Variants in EEF2KMT observed in about 807,000 individuals in gnomAD.
The protein encoded by EEF2KMT is protein-lysine N-methyltransferase EEF2KMT.
Under a neutral mutation model 35.1 loss-of-function variants are expected in EEF2KMT, and 30 were observed. That is an observed-to-expected ratio of 0.85 (90% CI 0.64 to 1.16). EEF2KMT has a LOEUF of 1.16. Among genes scored for constraint, EEF2KMT ranks in the 50% most tolerant of loss-of-function variants. The pLI is 0.00. For missense variants in EEF2KMT, 499 were observed against 438.2 expected, an observed-to-expected ratio of 1.14 and a Z score of -1.24; for synonymous variants, 190 against 187.7, an observed-to-expected ratio of 1.01 and a Z score of -0.10.
rs762899412 is a variant in EEF2KMT, at chr16:5,089,260, T to C, written c.743-4A>G. 14 of 1,602,860 alleles carry C rather than the reference T, an allele frequency of 8.7e-6. No individual in the cohort carries two copies. Among genetic ancestry groups the C allele is most frequent in the South Asian group, 7.7e-5 (7 of 90,994 alleles). Reference sequence around the variant, plus strand: ...GCTTCTGGGCAATACAGCACATCTATGGTGAAAGCTTCAGGTTACTGAAAG... The same window carrying C: ...GCTTCTGGGCAATACAGCACATCTACGGTGAAAGCTTCAGGTTACTGAAAG... On this transcript the variant is annotated splice_region_variant and splice_polypyrimidine_tract_variant and intron_variant, in intron 6 of 7. Transcript: ENST00000427587.
At chr16:5,095,310 C>T (rs1160246716) in intron 2 of EEF2KMT, 142 bp downstream of exon 2, 1 of 1,288,784 alleles carries the variant, frequency 7.8e-7, no homozygotes, top group Non-Finnish European at 1.1e-6. Flanking sequence ...CTGACACCCA[C>T]CTGCAGTGCT....
At chr16:5,087,917 G>A (rs1014701524) in intron 7 of EEF2KMT, among the ~76,000 whole-genome samples, 2 of 126,020 alleles carry the variant, frequency 1.6e-5, no homozygotes, top group Non-Finnish European at 3.2e-5. Flanking sequence ...TCTGAAGAAA[G>A]ACTTCCTTTT....
At chr16:5,089,296 A>G (rs1225885473) in intron 6 of EEF2KMT, 40 bp from the exon 7 acceptor site, 7 of 1,598,452 alleles carry the variant, frequency 4.4e-6, no homozygotes, top group Non-Finnish European at 5.9e-6. Flanking sequence ...GGACCAGTGG[A>G]CAGGTCCAGG....
In EEF2KMT at chr16:5,085,032, C is replaced by T. The variant is rs1174714635; in HGVS notation, c.*600G>A. 6 of 1,425,204 alleles carry T rather than the reference C, an allele frequency of 4.2e-6. No individual in the cohort carries two copies. In the African/African-American group the frequency reaches 4.2e-5, roughly 10 times the overall value. The allele number at this position is 1,425,204 out of a possible 1,614,324, so 88.3% of individuals were successfully genotyped here. ...GTACTGCCTGGTAAAAGAATTGGTT[C>T]TGTGACCCGGGAAGCTTTGGTTGGC... On this transcript the variant is annotated 3_prime_UTR_variant, in exon 8 of 8. Transcript: ENST00000427587.
intron 2 of EEF2KMT, among the ~76,000 whole-genome samples, chr16:5,094,312 G>C (rs1431112461): frequency 2.0e-5 from 3 of 152,214 alleles, no homozygotes; most frequent in African/African-American, 4.8e-5. Flanking sequence ...GCCCAGGCTG[G>C]AGTGCAGTGG....
rs200185581 is a variant in EEF2KMT at position 5,089,099 on chromosome 16, A to T, written c.892+8T>A. On this transcript the variant is annotated splice_region_variant and intron_variant, in intron 7 of 7. Coordinates refer to ENST00000427587, the MANE Select transcript of EEF2KMT (RefSeq NM_201400.4). ...ACCATGCAGGCCCGGGTGGGCGTGG[A>T]GGCTCACCTAGCTCGGTGGTGAACA... The T allele has an allele frequency of 6.2e-7, 1 of 1,611,912 alleles. No individual in the cohort carries two copies.
chr16:5,086,088 C>T (rs1016529262), intron 7 of EEF2KMT, among the ~76,000 whole-genome samples: 8 of 152,188 alleles, frequency 5.3e-5, no homozygotes, highest in Admixed American at 1.3e-4. Flanking sequence ...GTAATCCCAA[C>T]ACTTTGGGAG....
chr16:5,085,315 T>A lies in EEF2KMT; in HGVS notation c.*317A>T. The A allele has an allele frequency of 2.0e-6, 1 of 490,970 alleles. No homozygotes were observed. The highest frequency in any genetic ancestry group is 2.1e-5 in the South Asian group (1 of 46,940). The allele number at this position is 490,970 out of a possible 1,614,324, so 30.4% of individuals were successfully genotyped here. On this transcript the variant is annotated 3_prime_UTR_variant, in exon 8 of 8. Transcript: ENST00000427587. ...GGGCTTGGCTTTGTGAGGAACTGAG[T>A]GTGTCCACGTTGGGGGAACATCATA... is the stretch of plus-strand genomic sequence containing the variant.
chr16:5,095,837 C>CTGAGTA (rs574414039), intron 1 of EEF2KMT, among the ~76,000 whole-genome samples: 1 of 55,056 alleles, frequency 1.8e-5, no homozygotes. Flanking sequence ...GGCTTGCCAT[C>CTGAGTA]TAAGTGGAGA....
Position 5,090,320 on chromosome 16 carries a change from C to G in EEF2KMT, c.506G>C (p.Gly169Ala), listed in dbSNP as rs548063590. 3 of 1,612,068 alleles carry G rather than the reference C, an allele frequency of 1.9e-6. No individual in the cohort carries two copies. Among genetic ancestry groups the G allele is most frequent in the African/African-American group, 2.7e-5 (2 of 74,998 alleles). Residue 169 changes from glycine (G) to alanine (A), a missense_variant, in exon 6 of 8, where the codon GGC becomes GCC. Gly to Ala is a moderately conservative substitution (Grantham distance 60, BLOSUM62 0). Coordinates refer to ENST00000427587, the MANE Select transcript of EEF2KMT (RefSeq NM_201400.4). This position sits in a 1 kb window ranked among gnomAD's most constrained non-coding sequence, Gnocchi z 4.1. ...CTTGCAGATGGCCAGGCCTGTGAGG[C>G]CAGCACCACTGCCAAGCTCTAGGAC... ...RTVLELGSGAGLTGLAICKMC... is the reference protein window; with the variant it reads ...RTVLELGSGAALTGLAICKMC...
chr16:5,085,960 C>G (rs1164430893), intron 7 of EEF2KMT, among the ~76,000 whole-genome samples: 1 of 152,196 alleles, frequency 6.6e-6, no homozygotes, highest in East Asian at 1.9e-4. Flanking sequence ...GTGCCGCTGT[C>G]CACTCTCTGC....
chr16:5,090,357 G>A lies in EEF2KMT; in HGVS notation c.477-8C>T. 2 of 1,612,062 alleles carry A rather than the reference G, an allele frequency of 1.2e-6. No individual in the cohort carries two copies. Among genetic ancestry groups the A allele is most frequent in the Non-Finnish European group, 1.7e-6 (2 of 1,179,860 alleles). On this transcript the variant is annotated splice_region_variant and splice_polypyrimidine_tract_variant and intron_variant, in intron 5 of 7. Transcript: ENST00000427587. This position sits in a 1 kb window ranked among gnomAD's most constrained non-coding sequence, Gnocchi z 4.1. ...CCAAGCTCTAGGACAGTCCTGGCGG[G>A]AGGAAAGGGGACCGTGTCTGCGACT...
Position 5,090,032 on chromosome 16 carries a change from G to A in EEF2KMT, c.742+52C>T. 1 of 1,597,328 alleles carries A rather than the reference G, an allele frequency of 6.3e-7. No homozygotes were observed. The highest frequency in any genetic ancestry group is 8.5e-7 in the Non-Finnish European group (1 of 1,179,344). On this transcript the variant is annotated intron_variant, in intron 6 of 7. Transcript: ENST00000427587. This position sits in a 1 kb window ranked among gnomAD's most constrained non-coding sequence, Gnocchi z 4.1. ...TCCCTTTTCCCAGAGCCAAGAGCTG[G>A]GTAGAGCTGCAAGGACACCACCTGC...
chr16:5,089,865 C>T lies in EEF2KMT; in HGVS notation c.742+219G>A, dbSNP rs184639306. Among the ~76,000 whole-genome samples the T allele has an allele frequency of 3.4e-4, 52 of 152,300 alleles. No individual in the cohort carries two copies. In the East Asian group the frequency reaches 4.2e-3, roughly 12 times the overall value. ...CAGAGCCATGTGGTAACGACTGGAA[C>T]GGGAGTATGCCTGTCTCCAAAAAGA... On this transcript the variant is annotated intron_variant, in intron 6 of 7. Coordinates refer to ENST00000427587, the MANE Select transcript of EEF2KMT (RefSeq NM_201400.4).
At chr16:5,087,227 A>G (rs925612538) in intron 7 of EEF2KMT, 1 of 152,236 alleles carries the variant, frequency 6.6e-6, no homozygotes, top group Admixed American at 6.5e-5. Context: ...AAGAAAAAAA[A>G]TCACAAAAAA....
At chr16:5,096,844 T>C (rs1030846012) in intron 1 of EEF2KMT, among the ~76,000 whole-genome samples, 2 of 152,284 alleles carry the variant, frequency 1.3e-5, no homozygotes, top group African/African-American at 4.8e-5. Context: ...GATGCTTTTA[T>C]GAAGGTTTCT....
chr16:5,093,588 G>A, intron 2 of EEF2KMT, 24 bp from the exon 3 acceptor site: 1 of 1,611,904 alleles, frequency 6.2e-7, no homozygotes, highest in Non-Finnish European at 8.5e-7. Context: ...CAGAACGTTG[G>A]TTGCTCGAGA....
intron 1 of EEF2KMT, among the ~76,000 whole-genome samples, chr16:5,096,945 A>G (rs955459612): frequency 6.6e-6 from 1 of 152,254 alleles, no homozygotes; most frequent in Non-Finnish European, 1.5e-5. Flanking sequence ...CAAATGATTA[A>G]GCAACACCCC....
intron 7 of EEF2KMT, among the ~76,000 whole-genome samples, 199 bp from the exon 8 acceptor site, chr16:5,085,931 A>G (rs1957148072): frequency 6.6e-6 from 1 of 152,204 alleles, no homozygotes; most frequent in Non-Finnish European, 1.5e-5. Context: ...TTGCATAGAA[A>G]TGGCTAGCAG....
Sources: gnomAD v4.1 joint callset for allele counts (sites outside exome capture counted in the v4.1 genomes callset) on GRCh38, gnomAD v4.1.1 for gene constraint, Gnocchi (gnomAD v3.1) non-coding constraint, MANE v1.5 for transcripts, NCBI Gene and HGNC (gene_info 2026-07-23, HGNC 2026-07-21) for gene names.